Variants in DACH1 observed in about 807,000 individuals in gnomAD.
DACH1 encodes the protein dachshund family transcription factor 1.
In DACH1, 12 loss-of-function variants were observed where a neutral mutation model predicts 54.2. That is an observed-to-expected ratio of 0.22 (90% confidence interval 0.14 to 0.36). DACH1 has a LOEUF of 0.36. Ranked by LOEUF, DACH1 falls within the 10% of genes least tolerant of loss-of-function variation. The pLI is 1.00. For missense variants in DACH1, 805 were observed against 929.8 expected (o/e 0.87, Z 1.75); for synonymous variants, 386 against 366.2 (o/e 1.05, Z -0.62).
chr13:71,604,177 G>A (rs916106992), intron 3 of DACH1, among the ~76,000 whole-genome samples: 1 of 151,764 alleles, frequency 6.6e-6, no homozygotes, highest in African/African-American at 2.4e-5. Context: ...ACAAACTTCA[G>A]TGATTATTGA....
rs1462592229 is a variant in DACH1, at chr13:71,866,458, G to A, written c.312C>T (p.Cys104=). 1 of 1,304,566 alleles carries A rather than the reference G, an allele frequency of 7.7e-7. No individual in the cohort carries two copies. 80.8% of individuals were successfully genotyped at this position (1,304,566 alleles called of 1,614,324 possible). ...TGCTCGCGGCCGCCAGGTTGGGGTT[G>A]CAGTTGCTGCCACCGCCGCCGCCGC... ...GGGGGGGGSN[C]NPNLAAASNG... The change falls in exon 1 of 11, where the codon TGC becomes TGT. Residue 104 remains cysteine (C), a synonymous_variant. Transcript: ENST00000613252.
chr13:71,590,225 A>G (rs1263064943), intron 3 of DACH1, among the ~76,000 whole-genome samples: 1 of 152,174 alleles, frequency 6.6e-6, no homozygotes, highest in African/African-American at 2.4e-5. Flanking sequence ...AAAAATCATT[A>G]ATATAATTAA....
intron 1 of DACH1, among the ~76,000 whole-genome samples, chr13:71,856,731 C>T (rs9564853): frequency 0.078 from 11,873 of 151,784 alleles, 1,276 homozygotes; most frequent in East Asian, 0.56. Flanking sequence ...GCACTCTTAC[C>T]GATGACGTAA....
At chr13:71,715,487 G>A (rs539685849) in intron 1 of DACH1, among the ~76,000 whole-genome samples, 19 of 151,996 alleles carry the variant, frequency 1.3e-4, no homozygotes, top group Admixed American at 4.6e-4. Context: ...CTAAGAAGGC[G>A]GTTTCCTATA....
At chr13:71,836,678 C>G (rs897509584) in intron 1 of DACH1, among the ~76,000 whole-genome samples, 1 of 152,144 alleles carries the variant, frequency 6.6e-6, no homozygotes, top group South Asian at 2.1e-4. Context: ...TGCCTTTGAG[C>G]TCTTCATATC....
At chr13:71,614,494 G>T (rs1875603981) in intron 3 of DACH1, among the ~76,000 whole-genome samples, 1 of 152,044 alleles carries the variant, frequency 6.6e-6, no homozygotes, top group Non-Finnish European at 1.5e-5. Context: ...ACACATATAT[G>T]ATGGGGAAAA....
chr13:71,651,341 C>A (rs1212953699), intron 2 of DACH1, among the ~76,000 whole-genome samples: 1 of 147,934 alleles, frequency 6.8e-6, no homozygotes, highest in African/African-American at 2.5e-5. Context: ...GCACTCCAGC[C>A]TGGGCAACAG....
intron 6 of DACH1, among the ~76,000 whole-genome samples, chr13:71,501,681 G>A (rs1879925758): frequency 6.6e-6 from 1 of 152,100 alleles, no homozygotes; most frequent in South Asian, 2.1e-4. Context: ...AAAGTTAATA[G>A]AAAAGGAATA....
At position 71,630,788 on chromosome 13, in the gene DACH1, A is replaced by T. The variant is rs187051134; in HGVS notation, c.965-71T>A. 5.1e-5 allele frequency: 74 copies of T among 1,441,008 alleles called. No homozygotes were observed. The East Asian group carries it at 1.8e-3, about 35-fold the overall frequency. 89.3% of individuals were successfully genotyped at this position (1,441,008 alleles called of 1,614,324 possible). ...TCATTTAATAGTTCCTGTACTTGCT[A>T]TAACCAACATACAAACATTTATTAG... On this transcript the variant is annotated intron_variant, in intron 2 of 10. Transcript: ENST00000613252.
chr13:71,727,242 A>G (rs1883512273), intron 1 of DACH1, among the ~76,000 whole-genome samples: 2 of 152,110 alleles, frequency 1.3e-5, no homozygotes, highest in African/African-American at 2.4e-5. Flanking sequence ...CAATTCATCA[A>G]TTACTCAAGT....
chr13:71,575,722 T>A (rs1227482620), intron 3 of DACH1, among the ~76,000 whole-genome samples: 1 of 152,074 alleles, frequency 6.6e-6, no homozygotes, highest in Non-Finnish European at 1.5e-5. Flanking sequence ...TTTTCTCTAG[T>A]AAGTTTCTAA....
At chr13:71,796,017 C>A (rs1402319164) in intron 1 of DACH1, among the ~76,000 whole-genome samples, 1 of 152,042 alleles carries the variant, frequency 6.6e-6, no homozygotes, top group Non-Finnish European at 1.5e-5. Flanking sequence ...CTTCTGTTTT[C>A]CCAAGAGCTT....
At chr13:71,667,084 C>T (rs958340507) in intron 2 of DACH1, among the ~76,000 whole-genome samples, 3 of 151,730 alleles carry the variant, frequency 2.0e-5, no homozygotes, top group African/African-American at 7.3e-5. Context: ...CACATGAAGG[C>T]CTATAACAAG....
rs1472190648 is a variant in DACH1 at position 71,735,232 on chromosome 13, TG to T, written c.849-53323del. ...CGTATATGGGATATACATATGTATA[TG>T]GGATACACGTATATGGGATATACGT... On this transcript the variant is annotated intron_variant, in intron 1 of 10. Transcript: ENST00000613252. 2.1e-5 allele frequency among the ~76,000 whole-genome samples: 3 copies of T among 144,112 alleles called. 1 individual carries two copies. The highest frequency in any genetic ancestry group is 2.2e-4 in the South Asian group (1 of 4,510). 94.5% of individuals were successfully genotyped at this position (144,112 alleles called of 152,430 possible).
intron 10 of DACH1, among the ~76,000 whole-genome samples, chr13:71,467,288 G>A (rs1049384220): frequency 2.2e-5 from 3 of 134,974 alleles, no homozygotes; most frequent in African/African-American, 8.4e-5. Flanking sequence ...TCATAGGTGA[G>A]AATTGAACAA....
chr13:71,618,608 C>T (rs1432027790), intron 3 of DACH1, among the ~76,000 whole-genome samples: 1 of 151,534 alleles, frequency 6.6e-6, no homozygotes, highest in Non-Finnish European at 1.5e-5. Flanking sequence ...TACTAAAATC[C>T]ACACTACAGC....
chr13:71,709,006 C>T (rs936888204), intron 1 of DACH1, among the ~76,000 whole-genome samples: 1 of 151,854 alleles, frequency 6.6e-6, no homozygotes, highest in African/African-American at 2.4e-5. Context: ...GCGCCCGCCA[C>T]CATGCCCGAC....
chr13:71,606,244 TA>T (rs1212357533), intron 3 of DACH1, among the ~76,000 whole-genome samples: 1 of 152,040 alleles, frequency 6.6e-6, no homozygotes, highest in Non-Finnish European at 1.5e-5. Context: ...AAATTGAATG[TA>T]AACAATATTT....
chr13:71,735,563 CGT>C (rs67808943), intron 1 of DACH1, among the ~76,000 whole-genome samples: 7 of 23,424 alleles, frequency 3.0e-4, no homozygotes, highest in Admixed American at 9.2e-4. Context: ...ATGGGATATA[CGT>C]GTATATGGGA....
Sources: allele counts gnomAD v4.1 joint callset (sites outside exome capture counted in the v4.1 genomes callset), GRCh38; gene constraint gnomAD v4.1.1; transcripts MANE v1.5; gene names NCBI Gene and HGNC (gene_info 2026-07-23, HGNC 2026-07-21).